LRMDA: variants seen among roughly 807,000 people sequenced by gnomAD.
LRMDA encodes leucine-rich melanocyte differentiation-associated protein.
A neutral mutation model predicts 29.8 loss-of-function variants in LRMDA; 18 were observed. That is an observed-to-expected ratio of 0.60 (90% CI 0.42 to 0.90). LRMDA has a LOEUF of 0.90. LRMDA is among the 40% of genes least tolerant of loss of function. The pLI is 0.00. For missense variants in LRMDA, 273 were observed against 273.9 expected, an observed-to-expected ratio of 1.00 and a Z score of 0.02; for synonymous variants, 125 against 109.4, an observed-to-expected ratio of 1.14 and a Z score of -0.89.
intron 5 of LRMDA, among the ~76,000 whole-genome samples, chr10:76,228,186 T>C (rs539207997): frequency 2.6e-5 from 4 of 152,014 alleles, no homozygotes; most frequent in African/African-American, 9.7e-5. Context: ...CACGCCCAGC[T>C]AATTTTTATA....
chr10:75,528,723 C>T (rs1845442126), intron 2 of LRMDA, among the ~76,000 whole-genome samples: 1 of 152,044 alleles, frequency 6.6e-6, no homozygotes, highest in African/African-American at 2.4e-5. Context: ...TGAGAAACCT[C>T]TAGCATGAAT....
chr10:75,709,261 T>C (rs1257203588), intron 2 of LRMDA, among the ~76,000 whole-genome samples: 2 of 152,200 alleles, frequency 1.3e-5, no homozygotes, highest in Non-Finnish European at 2.9e-5. Flanking sequence ...AATAAATTTA[T>C]AGAGTAGATT....
intron 2 of LRMDA, among the ~76,000 whole-genome samples, chr10:75,623,414 C>T (rs1841212460): frequency 6.6e-6 from 1 of 152,148 alleles, no homozygotes; most frequent in African/African-American, 2.4e-5. Flanking sequence ...TCCATTAAAG[C>T]CAAGAATTTT....
rs1393075919 is a variant in LRMDA at position 76,559,305 on chromosome 10, C to T, written c.*2017C>T. 5 of 152,132 alleles carry T rather than the reference C, an allele frequency of 3.3e-5. No individual in the cohort carries two copies. The East Asian group carries it at 5.8e-4, about 18-fold the overall frequency. 9.4% of individuals were successfully genotyped at this position (152,132 alleles called of 1,614,324 possible). On this transcript the variant is annotated 3_prime_UTR_variant, in exon 7 of 7. Transcript: ENST00000611255. ...ATTTGTATCATGCGCAGGAATGTCT[C>T]CCTCAATGTGAGCTTTGGAGGCAAA...
At chr10:75,992,741 G>A (rs1043182697) in intron 2 of LRMDA, among the ~76,000 whole-genome samples, 20 of 152,118 alleles carry the variant, frequency 1.3e-4, no homozygotes, top group African/African-American at 4.6e-4. Flanking sequence ...TGGTGCTCCA[G>A]GGGCTGGTGG....
intron 2 of LRMDA, among the ~76,000 whole-genome samples, chr10:75,475,196 A>G (rs1001407018): frequency 6.6e-6 from 1 of 152,152 alleles, no homozygotes; most frequent in Non-Finnish European, 1.5e-5. Context: ...AAGACCCAGG[A>G]GGCCATAGTG....
chr10:76,507,385 T>C (rs1294852453), intron 6 of LRMDA, among the ~76,000 whole-genome samples: 1 of 152,012 alleles, frequency 6.6e-6, no homozygotes, highest in African/African-American at 2.4e-5. Flanking sequence ...TATTTTCTCC[T>C]ATTTTGTAGG....
At chr10:75,888,546 A>G (rs1018715166) in intron 2 of LRMDA, among the ~76,000 whole-genome samples, 13 of 152,216 alleles carry the variant, frequency 8.5e-5, no homozygotes, top group African/African-American at 3.1e-4. Flanking sequence ...AGCTGAGTAA[A>G]TACTGTATCT....
chr10:76,177,554 T>C lies in LRMDA; in HGVS notation c.516+118771T>C, dbSNP rs367772123. ...CAGGGTTCTTGCTTTAATGGGAAAA[T>C]TAAATCTTCTTTATCAGTTGTAGTA... On this transcript the variant is annotated intron_variant, in intron 5 of 6. Transcript: ENST00000611255. Among the ~76,000 whole-genome samples, 5 of 152,304 alleles carry C rather than the reference T, an allele frequency of 3.3e-5. 1 individual carries two copies. The highest frequency in any genetic ancestry group is 1.9e-4 in the East Asian group (1 of 5,178).
chr10:76,036,125 C>T lies in LRMDA; in HGVS notation c.249C>T (p.Asn83=), dbSNP rs781718433. The T allele has an allele frequency of 1.9e-6, 3 of 1,613,700 alleles. No homozygotes were observed. The South Asian group carries it at 3.3e-5, about 18-fold the overall frequency. ...CCAGACTGCATACCTTAACCCTCAA[C>T]AAGAACCGAATATCCTTTCCTCTGC... is the stretch of plus-strand genomic sequence containing the variant. ...GLPRLHTLTL[N]KNRITDLENL... Residue 83 remains asparagine, a synonymous_variant, in exon 3 of 7, where the codon AAC becomes AAT. Transcript: ENST00000611255.
intron 2 of LRMDA, among the ~76,000 whole-genome samples, chr10:75,540,302 A>G (rs1016792731): frequency 3.9e-5 from 6 of 152,346 alleles, no homozygotes; most frequent in African/African-American, 1.4e-4. Context: ...CCCTGGGGCC[A>G]GAACAAGCTT....
At chr10:75,740,435 C>T (rs931979277) in intron 2 of LRMDA, among the ~76,000 whole-genome samples, 2 of 152,126 alleles carry the variant, frequency 1.3e-5, no homozygotes, top group African/African-American at 2.4e-5. Flanking sequence ...ACTTTTTGTG[C>T]AGCCCTGTGT....
At chr10:76,245,749 C>G (rs997956516) in intron 5 of LRMDA, among the ~76,000 whole-genome samples, 5 of 152,178 alleles carry the variant, frequency 3.3e-5, no homozygotes, top group African/African-American at 1.2e-4. Context: ...GCATCCTGCC[C>G]TTATACTATG....
At chr10:76,297,108 A>G (rs557911789) in intron 5 of LRMDA, among the ~76,000 whole-genome samples, 6 of 152,348 alleles carry the variant, frequency 3.9e-5, no homozygotes, top group African/African-American at 1.4e-4. Flanking sequence ...ATCCGCAGAT[A>G]CCTTCTGCCT....
At chr10:75,582,896 A>G (rs1244982774) in intron 2 of LRMDA, among the ~76,000 whole-genome samples, 1 of 152,188 alleles carries the variant, frequency 6.6e-6, no homozygotes, top group Non-Finnish European at 1.5e-5. Flanking sequence ...TTCATCTGTC[A>G]GATACCCTAA....
In LRMDA at chr10:76,475,670, G is replaced by A. The variant is rs547800088; in HGVS notation, c.602-81539G>A. Among the ~76,000 whole-genome samples, 40 of 152,170 alleles carry A rather than the reference G, an allele frequency of 2.6e-4. No individual in the cohort carries two copies. The South Asian group carries it at 8.1e-3, about 31-fold the overall frequency. ...GGAAGTAAAGCACTCCTCAGCAAAT[G>A]TAAAAGAACAGAAATTATAACAACC... On this transcript the variant is annotated intron_variant, in intron 6 of 6. Coordinates refer to ENST00000611255, the MANE Select transcript of LRMDA (RefSeq NM_001305581.2).
intron 5 of LRMDA, among the ~76,000 whole-genome samples, chr10:76,059,715 G>A (rs1484788157): frequency 1.3e-5 from 2 of 152,292 alleles, no homozygotes; most frequent in East Asian, 1.9e-4. Context: ...TGATTAAAGG[G>A]GGGAAAGAAA....
chr10:75,772,793 C>T (rs945213069), intron 2 of LRMDA, among the ~76,000 whole-genome samples: 1 of 141,068 alleles, frequency 7.1e-6, no homozygotes, highest in Non-Finnish European at 1.5e-5. Flanking sequence ...TGGTCATTTG[C>T]AGGACTAGAG....
intron 2 of LRMDA, among the ~76,000 whole-genome samples, chr10:75,660,072 T>C (rs74468361): frequency 6.6e-6 from 1 of 151,076 alleles, no homozygotes; most frequent in South Asian, 2.1e-4. Context: ...TCTTTCTCCC[T>C]CTCTCTCTCT....
Sources: allele counts gnomAD v4.1 joint callset (sites outside exome capture counted in the v4.1 genomes callset), GRCh38; gene constraint gnomAD v4.1.1; transcripts MANE v1.5; gene names NCBI Gene and HGNC (gene_info 2026-07-23, HGNC 2026-07-21).